IGSF11: variants seen among roughly 807,000 people sequenced by gnomAD.
IGSF11 encodes the protein CXADR like 1.
A neutral mutation model predicts 41.0 loss-of-function variants in IGSF11; 22 were observed. The observed-to-expected ratio is 0.54, with a 90% CI of 0.38 to 0.77. The LOEUF (loss-of-function observed/expected upper bound fraction) is 0.77. Ranked by LOEUF, IGSF11 falls within the 30% of genes least tolerant of loss-of-function variation. IGSF11 has a pLI of 0.00. For missense variants in IGSF11, 444 were observed against 530.8 expected, an observed-to-expected ratio of 0.84 and a Z score of 1.61; for synonymous variants, 219 against 201.3, an observed-to-expected ratio of 1.09 and a Z score of -0.74.
chr3:119,120,029 A>G (rs2107528811), intron 1 of IGSF11, among the ~76,000 whole-genome samples: 1 of 152,352 alleles, frequency 6.6e-6, no homozygotes, highest in East Asian at 1.9e-4. Context: ...ATGCCAAGGA[A>G]AGACCTGGCA....
At chr3:119,142,965 A>C (rs747214822) in intron 1 of IGSF11, among the ~76,000 whole-genome samples, 2 of 152,232 alleles carry the variant, frequency 1.3e-5, no homozygotes, top group African/African-American at 4.8e-5. Flanking sequence ...GTTGAAAAAA[A>C]TACCATCAAC....
chr3:119,024,912 C>T (rs1939668471), intron 1 of IGSF11, among the ~76,000 whole-genome samples: 1 of 151,912 alleles, frequency 6.6e-6, no homozygotes, highest in Admixed American at 6.6e-5. Flanking sequence ...TTGAACTGAC[C>T]CCTTCCTGAC....
intron 1 of IGSF11, chr3:118,946,035 G>A (rs1388933005): frequency 1.3e-5 from 2 of 152,060 alleles, no homozygotes; most frequent in Non-Finnish European, 2.9e-5. Context: ...AGGATGGTGT[G>A]GTAGGAGACT....
intron 1 of IGSF11, among the ~76,000 whole-genome samples, chr3:119,110,923 C>G (rs2107518910): frequency 6.6e-6 from 1 of 151,994 alleles, no homozygotes; most frequent in East Asian, 1.9e-4. Flanking sequence ...TTGGCCCCCA[C>G]TCTCTTCTGG....
chr3:119,066,077 A>G (rs561763324), intron 1 of IGSF11, among the ~76,000 whole-genome samples: 1 of 152,260 alleles, frequency 6.6e-6, no homozygotes, highest in African/African-American at 2.4e-5. Flanking sequence ...TTTGATGTCT[A>G]TAAAATCCAT....
intron 1 of IGSF11, among the ~76,000 whole-genome samples, chr3:119,028,700 T>C (rs1940061217): frequency 1.1e-5 from 1 of 93,434 alleles, no homozygotes; most frequent in Admixed American, 9.9e-5. Context: ...AGTTATAAAA[T>C]TTGAAAAAAA....
At chr3:119,122,128 T>C (rs13087937) in intron 1 of IGSF11, among the ~76,000 whole-genome samples, 20,217 of 152,208 alleles carry the variant, frequency 0.13, 1,396 homozygotes, top group East Asian at 0.23. Context: ...GATTTTAATT[T>C]CATATTTCTG....
rs569252464 is a variant in IGSF11 at position 119,119,302 on chromosome 3, A to G, written c.-13-14097T>C. Among the ~76,000 whole-genome samples, 7 of 152,338 alleles carry G rather than the reference A, an allele frequency of 4.6e-5. No homozygotes were observed. In the South Asian group the frequency reaches 6.2e-4, roughly 14 times the overall value. ...AGGGAAGCCTCACAATCATGGAGGA[A>G]GGCAAGGAGGAGCAAGTCACATCTT... On this transcript the variant is annotated intron_variant, in intron 1 of 7. Transcript: ENST00000425327.
intron 1 of IGSF11, among the ~76,000 whole-genome samples, chr3:119,115,672 G>A (rs2077245846): frequency 6.6e-6 from 1 of 152,064 alleles, no homozygotes; most frequent in Non-Finnish European, 1.5e-5. Flanking sequence ...ATGAATAGTT[G>A]CAAATATTTT....
At position 118,993,245 on chromosome 3, in the gene IGSF11, G is replaced by GTAAA. The variant is rs559864968; in HGVS notation, c.52+41282_52+41285dup. 9.9e-4 allele frequency among the ~76,000 whole-genome samples: 150 copies of GTAAA among 152,194 alleles called. 1 individual carries two copies. The highest frequency in any genetic ancestry group is 3.5e-3 in the African/African-American group (144 of 41,528). On this transcript the variant is annotated intron_variant, in intron 1 of 6. Coordinates refer to ENST00000393775, the MANE Select transcript of IGSF11 (RefSeq NM_001015887.3). Reference sequence around the variant, plus strand: ...CCCAATGAAGTAAGTAAATAAGTAAGTAAATAAATAGGCAAAGACATGAAA... The same window carrying GTAAA: ...CCCAATGAAGTAAGTAAATAAGTAAGTAAATAAATAAATAGGCAAAGACATGAAA...
At chr3:118,988,278 A>G (rs926699041) in intron 1 of IGSF11, among the ~76,000 whole-genome samples, 1 of 152,230 alleles carries the variant, frequency 6.6e-6, no homozygotes, top group Non-Finnish European at 1.5e-5. Flanking sequence ...GACCACAAGC[A>G]AAGCAAGCAA....
At chr3:119,112,249 A>C (rs1014125484) in intron 1 of IGSF11, among the ~76,000 whole-genome samples, 1 of 152,184 alleles carries the variant, frequency 6.6e-6, no homozygotes, top group African/African-American at 2.4e-5. Flanking sequence ...GGCTCCACCC[A>C]GCTCGAGCTT....
intron 4 of IGSF11, among the ~76,000 whole-genome samples, chr3:118,914,594 CGG>C (rs1375838613): frequency 3.3e-5 from 5 of 149,982 alleles, no homozygotes; most frequent in African/African-American, 1.2e-4. Context: ...ACACCTGGCT[CGG>C]AGGGTCCTAC....
intron 4 of IGSF11, among the ~76,000 whole-genome samples, chr3:118,921,119 C>T (rs186749112): frequency 1.3e-5 from 2 of 152,298 alleles, no homozygotes; most frequent in East Asian, 3.9e-4. Flanking sequence ...CTCCTCATCC[C>T]CTAACTAATC....
chr3:119,047,666 C>T (rs894392756), intron 1 of IGSF11, among the ~76,000 whole-genome samples: 1 of 152,106 alleles, frequency 6.6e-6, no homozygotes, highest in African/African-American at 2.4e-5. Flanking sequence ...ATCTACAGAA[C>T]TCTCCACCCC....
intron 1 of IGSF11, among the ~76,000 whole-genome samples, chr3:118,941,100 A>C (rs1943658595): frequency 2.0e-5 from 3 of 152,038 alleles, no homozygotes; most frequent in Admixed American, 2.0e-4. Flanking sequence ...ACCACTTAAA[A>C]ATGGGTAAGA....
At position 118,901,887 on chromosome 3, in the gene IGSF11, A is replaced by G. The variant is rs1301474613; in HGVS notation, c.*633T>C. On this transcript the variant is annotated 3_prime_UTR_variant, in exon 7 of 7. Transcript: ENST00000393775. ...AATATAGCAATATTCCACATATGAA[A>G]TTCATGGTTCAGGAAGAGATAAATA... The G allele has an allele frequency of 2.6e-5, 4 of 152,218 alleles. No homozygotes were observed. Among genetic ancestry groups the G allele is most frequent in the Non-Finnish European group, 5.9e-5 (4 of 68,038 alleles). The allele number at this position is 152,218 out of a possible 1,614,324, so 9.4% of individuals were successfully genotyped here.
At position 118,902,396 on chromosome 3, in the gene IGSF11, C is replaced by A; in HGVS notation, c.*124G>T. 1.3e-6 allele frequency: 1 copy of A among 767,274 alleles called. No individual in the cohort carries two copies. The highest frequency in any genetic ancestry group is 1.8e-5 in the South Asian group (1 of 56,298). 47.5% of individuals were successfully genotyped at this position (767,274 alleles called of 1,614,324 possible). A position where few individuals can be genotyped will look rare whatever the true frequency, so the allele number is the denominator to read the frequency against. On this transcript the variant is annotated 3_prime_UTR_variant, in exon 7 of 7. Transcript: ENST00000393775. ...GGCCAAGTAACAGCACTGCCTTCTT[C>A]TTTGTGCATTTTACTAATATAATTA...
intron 1 of IGSF11, among the ~76,000 whole-genome samples, chr3:119,082,956 T>C (rs1008723014): frequency 6.6e-6 from 1 of 152,120 alleles, no homozygotes; most frequent in African/African-American, 2.4e-5. Flanking sequence ...TTATACAGAC[T>C]TAAAATCAAT....
Sources: gnomAD v4.1 joint callset for allele counts (sites outside exome capture counted in the v4.1 genomes callset) on GRCh38, gnomAD v4.1.1 for gene constraint, MANE v1.5 for transcripts, NCBI Gene and HGNC (gene_info 2026-07-23, HGNC 2026-07-21) for gene names.